CWC27: variants seen among roughly 807,000 people sequenced by gnomAD.
CWC27 encodes spliceosome-associated protein CWC27 homolog.
A neutral mutation model predicts 63.6 loss-of-function variants in CWC27; 47 were observed. The ratio of observed to expected loss-of-function variants is 0.74; its 90% CI spans 0.58 to 0.94. The LOEUF is 0.94. Ranked by LOEUF, CWC27 falls within the 40% of genes least tolerant of loss-of-function variation. The probability of loss-of-function intolerance (pLI) is 0.00; values close to 1 mark genes in which losing one functional copy is unlikely to be tolerated. For synonymous variants in CWC27, 175 were observed against 179.8 expected (o/e 0.97, Z 0.22); for missense variants, 495 against 554.3 (o/e 0.89, Z 1.07).
chr5:65,016,595 A>C (rs1337149804), intron 13 of CWC27, among the ~76,000 whole-genome samples: 1 of 152,314 alleles, frequency 6.6e-6, no homozygotes, highest in East Asian at 1.9e-4. Context: ...AAGCTTTCTC[A>C]GGTGGGACAA....
intron 11 of CWC27, among the ~76,000 whole-genome samples, chr5:64,965,142 C>G (rs926127495): frequency 6.6e-6 from 1 of 152,152 alleles, no homozygotes; most frequent in Non-Finnish European, 1.5e-5. Flanking sequence ...GAAGCTGTCG[C>G]TCTCTTTAGA....
At chr5:64,980,620 A>G (rs1027276064) in intron 13 of CWC27, among the ~76,000 whole-genome samples, 1 of 152,160 alleles carries the variant, frequency 6.6e-6, no homozygotes, top group Non-Finnish European at 1.5e-5. Flanking sequence ...TACAAGATAA[A>G]ATAATAAACA....
chr5:64,840,391 AAAAATATATATATATATATATATAT>A (rs1561430458), intron 10 of CWC27, among the ~76,000 whole-genome samples: 4 of 42,286 alleles, frequency 9.5e-5, no homozygotes, highest in African/African-American at 2.2e-4. Flanking sequence ...AAAAAAAAAA[AAAAATATATATATATATATATATAT>A]ATATATATAT....
chr5:64,967,063 A>T (rs1024214500), intron 11 of CWC27, among the ~76,000 whole-genome samples: 2 of 151,958 alleles, frequency 1.3e-5, no homozygotes, highest in Non-Finnish European at 2.9e-5. Context: ...TCTCCATTCT[A>T]TGAAAACTGC....
chr5:64,926,561 G>A (rs1031752295), intron 11 of CWC27, among the ~76,000 whole-genome samples: 18 of 151,780 alleles, frequency 1.2e-4, no homozygotes, highest in African/African-American at 4.4e-4. Context: ...CTTCCAGCAG[G>A]CTTGGAATGA....
intron 13 of CWC27, among the ~76,000 whole-genome samples, chr5:65,016,797 G>T (rs1750055914): frequency 6.6e-6 from 1 of 152,048 alleles, no homozygotes; most frequent in Non-Finnish European, 1.5e-5. Context: ...CATCATTTGT[G>T]CTGCTGTAGA....
intron 13 of CWC27, 62 bp downstream of exon 13, chr5:64,977,300 T>TG: frequency 8.9e-7 from 1 of 1,126,882 alleles, no homozygotes; most frequent in South Asian, 1.5e-5. Context: ...GAGACACTAC[T>TG]GGGGCATTTC....
At chr5:65,007,752 C>T (rs1043238487) in intron 13 of CWC27, among the ~76,000 whole-genome samples, 1 of 151,948 alleles carries the variant, frequency 6.6e-6, no homozygotes, top group Non-Finnish European at 1.5e-5. Context: ...CTCAGCCTCC[C>T]ATGTAGCTGG....
At chr5:64,880,310 A>G (rs1015725136) in intron 10 of CWC27, among the ~76,000 whole-genome samples, 3 of 151,970 alleles carry the variant, frequency 2.0e-5, no homozygotes, top group African/African-American at 4.8e-5. Context: ...AAGAGCATAG[A>G]CCTGGAGTTC....
At position 64,940,846 on chromosome 5, in the gene CWC27, T is replaced by C. The variant is rs6449766; in HGVS notation, c.1043-30857T>C. ...TGGCTTTTTCTTTCTTTCTTTCTTT[T>C]TTTTTTTTTTTTTTTTTTTTGAGAC... On this transcript the variant is annotated intron_variant, in intron 11 of 13. Coordinates refer to ENST00000381070, the MANE Select transcript of CWC27 (RefSeq NM_005869.4). Among the ~76,000 whole-genome samples, 431 of 117,516 alleles carry C rather than the reference T, an allele frequency of 3.7e-3. 1 individual carries two copies. Among genetic ancestry groups the C allele is most frequent in the East Asian group, 6.4e-3 (31 of 4,870 alleles). The allele number at this position is 117,516 out of a possible 152,430, so 77.1% of individuals were successfully genotyped here. A position where few individuals can be genotyped will look rare whatever the true frequency, so the allele number is the denominator to read the frequency against.
At chr5:64,777,460 A>T (rs899570879) in intron 2 of CWC27, among the ~76,000 whole-genome samples, 1 of 152,162 alleles carries the variant, frequency 6.6e-6, no homozygotes, top group African/African-American at 2.4e-5. Flanking sequence ...CTAGAAGAAG[A>T]AACGTATAAC....
At chr5:64,930,448 C>G (rs1748215050) in intron 11 of CWC27, among the ~76,000 whole-genome samples, 1 of 151,708 alleles carries the variant, frequency 6.6e-6, no homozygotes, top group Admixed American at 6.6e-5. Context: ...AAAATTTGAA[C>G]TATTGGGTAG....
At position 64,885,482 on chromosome 5, in the gene CWC27, A is replaced by G. The variant is rs1361057928; in HGVS notation, c.978A>G (p.Glu326=). ...LRKEARQLKR[E]LLAAKQKKVE... ...AAGAAGCAAGACAATTAAAACGGGA[A>G]CTCTTAGCAGCAAAACAAAAAAAAG... The change falls in exon 11 of 14, where the codon GAA becomes GAG. Residue 326 remains glutamate, a synonymous_variant. Transcript: ENST00000381070. The G allele has an allele frequency of 5.6e-6, 9 of 1,610,028 alleles. No individual in the cohort carries two copies. Among genetic ancestry groups the G allele is most frequent in the Non-Finnish European group, 7.6e-6 (9 of 1,178,282 alleles).
At position 64,990,350 on chromosome 5, in the gene CWC27, C is replaced by T. The variant is rs1468184382; in HGVS notation, c.1256+13112C>T. Among the ~76,000 whole-genome samples, 4 of 65,084 alleles carry T rather than the reference C, an allele frequency of 6.1e-5. 2 individuals carry two copies. Among genetic ancestry groups the T allele is most frequent in the Non-Finnish European group, 1.3e-4 (4 of 29,668 alleles). 42.7% of individuals were successfully genotyped at this position (65,084 alleles called of 152,430 possible). ...CGGGATCTCGGCTCACTGCAAGCTC[C>T]GCCTCCCGGGTTCACGCCATTCTCC... is the stretch of plus-strand genomic sequence containing the variant. On this transcript the variant is annotated intron_variant, in intron 13 of 13. Coordinates refer to ENST00000381070, the MANE Select transcript of CWC27 (RefSeq NM_005869.4).
intron 10 of CWC27, among the ~76,000 whole-genome samples, chr5:64,836,281 G>T (rs899818945): frequency 1.3e-5 from 2 of 151,836 alleles, no homozygotes; most frequent in East Asian, 3.9e-4. Flanking sequence ...ATGTTCATTT[G>T]TGGCTCTAGA....
chr5:64,769,244 C>A, intron 1 of CWC27, 56 bp downstream of exon 1: 1 of 1,540,738 alleles, frequency 6.5e-7, no homozygotes, highest in Non-Finnish European at 9.0e-7. Context: ...TGAGATTTCC[C>A]GGATTTGGGG....
chr5:64,830,088 C>G (rs1356350683), intron 10 of CWC27, among the ~76,000 whole-genome samples: 2 of 145,704 alleles, frequency 1.4e-5, no homozygotes, highest in East Asian at 4.1e-4. Context: ...AGGTTTGTTA[C>G]ATATGTATAC....
At chr5:64,796,026 T>TGTG (rs1554068565) in intron 7 of CWC27, among the ~76,000 whole-genome samples, 17 of 151,478 alleles carry the variant, frequency 1.1e-4, no homozygotes, top group African/African-American at 3.9e-4. Flanking sequence ...TGTGTGTGTG[T>TGTG]GTGTGTGTGT....
At chr5:64,794,839 C>T (rs1189932656) in intron 7 of CWC27, among the ~76,000 whole-genome samples, 1 of 152,046 alleles carries the variant, frequency 6.6e-6, no homozygotes, top group Non-Finnish European at 1.5e-5. Flanking sequence ...ATATAAATGT[C>T]AGGAAATATT....
Sources: allele counts gnomAD v4.1 joint callset (sites outside exome capture counted in the v4.1 genomes callset), GRCh38; gene constraint gnomAD v4.1.1; transcripts MANE v1.5; gene names NCBI Gene and HGNC (gene_info 2026-07-23, HGNC 2026-07-21).